HSD17B14: variants seen among roughly 807,000 people sequenced by gnomAD.
HSD17B14 encodes the protein L-fucose dehydrogenase.
Under a neutral mutation model 32.2 loss-of-function variants are expected in HSD17B14, and 32 were observed. The ratio of observed to expected loss-of-function variants is 0.99; its 90% CI spans 0.75 to 1.33. HSD17B14 has a LOEUF of 1.33. HSD17B14 is among the 40% of genes most tolerant of loss of function. HSD17B14 has a pLI of 0.00. For missense variants in HSD17B14, 370 were observed against 366.5 expected (o/e 1.01, Z -0.08); for synonymous variants, 140 against 155.4 (o/e 0.90, Z 0.74).
Position 48,836,357 on chromosome 19 carries a change from G to C in HSD17B14, c.55C>G (p.Arg19Gly). The part of the protein sequence containing the change: ...GKVVVVTGGG[R>G]GIGAGIVRAF... ...CGCACGATCCCAGCTCCGATGCCGC[G>C]CCCGCCCCCGGTCACGACCACCACC... Residue 19 changes from arginine (R) to glycine (G), a missense_variant, in exon 1 of 9, where the codon CGC (arginine) becomes GGC (glycine). Transcript: ENST00000263278. 6.2e-7 allele frequency: 1 copy of C among 1,612,602 alleles called. No homozygotes were observed. The highest frequency in any genetic ancestry group is 8.5e-7 in the Non-Finnish European group (1 of 1,179,752).
chr19:48,819,499 C>T (rs1015136291), intron 5 of HSD17B14, among the ~76,000 whole-genome samples: 3 of 152,208 alleles, frequency 2.0e-5, no homozygotes, highest in Non-Finnish European at 2.9e-5. Flanking sequence ...CCTGCCTGAT[C>T]TGGTTCCCAC....
At chr19:48,813,592 G>C (rs753402005) in intron 7 of HSD17B14, 40 bp from the exon 8 acceptor site, 3 of 1,612,474 alleles carry the variant, frequency 1.9e-6, no homozygotes, top group Non-Finnish European at 2.5e-6. Context: ...AATCTGTCTC[G>C]AACCACTTGG....
At chr19:48,826,542 T>TATATATATACACACACAC in intron 5 of HSD17B14, among the ~76,000 whole-genome samples, 1 of 80,110 alleles carries the variant, frequency 1.2e-5, no homozygotes, top group African/African-American at 5.2e-5. Context: ...TATATATATA[T>TATATATATACACACACAC]ACACACACAC....
Position 48,831,438 on chromosome 19 carries a change from A to C in HSD17B14, c.369+230T>G, listed in dbSNP as rs2035333428. 2.0e-5 allele frequency among the ~76,000 whole-genome samples: 3 copies of C among 152,100 alleles called. No individual in the cohort carries two copies. In the South Asian group the frequency reaches 6.2e-4, roughly 31 times the overall value. On this transcript the variant is annotated intron_variant, in intron 5 of 8. Coordinates refer to ENST00000263278, the MANE Select transcript of HSD17B14 (RefSeq NM_016246.3). ...TTTTGTGGCCCGCACCTGTAATCCC[A>C]GTTACTCAGGAGGCTGAGGCACGAG...
At chr19:48,817,981 C>G (rs566886735) in intron 5 of HSD17B14, among the ~76,000 whole-genome samples, 1 of 152,216 alleles carries the variant, frequency 6.6e-6, no homozygotes, top group South Asian at 2.1e-4. Flanking sequence ...GAGACCCAAA[C>G]CCATAAACAA....
Position 48,836,311 on chromosome 19 carries a change from A to T in HSD17B14, c.88+13T>A. ...TCACACTCCACAGCTCCCAGCAGTC[A>T]GACCCGGCTCACCGAAGGCGCGCAC... is the stretch of plus-strand genomic sequence containing the variant. On this transcript the variant is annotated intron_variant, in intron 1 of 8. Transcript: ENST00000263278. 6.2e-7 allele frequency: 1 copy of T among 1,610,142 alleles called. No individual in the cohort carries two copies. The highest frequency in any genetic ancestry group is 8.5e-7 in the Non-Finnish European group (1 of 1,178,858).
intron 2 of HSD17B14, 53 bp from the exon 3 acceptor site, chr19:48,834,411 G>A (rs1192793846): frequency 6.0e-6 from 7 of 1,175,330 alleles, no homozygotes; most frequent in South Asian, 1.3e-5. Context: ...AGGGAGGAGG[G>A]GTTGGGGACT....
intron 4 of HSD17B14, among the ~76,000 whole-genome samples, chr19:48,832,079 G>GGAA (rs756605267): frequency 1.7e-5 from 1 of 60,088 alleles, no homozygotes; most frequent in South Asian, 6.8e-4. Context: ...CCCCATCTCA[G>GGAA]AAAAAAAAAA....
chr19:48,834,329 G>T lies in HSD17B14; in HGVS notation c.157C>A (p.Leu53Ile), dbSNP rs1459596517. ...CAGAGGATAAAGACAGCTCCAGGGA[G>T]CTCCTGCTCCAGGGCCCGGCCCCCA... Reference protein sequence around the residue: ...ESGGRALEQELPGAVFILCDV... With the variant: ...ESGGRALEQEIPGAVFILCDV... Residue 53 changes from leucine to isoleucine, a missense_variant, in exon 3 of 9, where the codon CTC (leucine) becomes ATC (isoleucine). Coordinates refer to ENST00000263278, the MANE Select transcript of HSD17B14 (RefSeq NM_016246.3). 6.2e-7 allele frequency: 1 copy of T among 1,613,996 alleles called. No individual in the cohort carries two copies. The highest frequency in any genetic ancestry group is 8.5e-7 in the Non-Finnish European group (1 of 1,179,912).
At chr19:48,834,383 C>T (rs774779171) in intron 2 of HSD17B14, 25 bp from the exon 3 acceptor site, 15 of 1,525,586 alleles carry the variant, frequency 9.8e-6, no homozygotes, top group Admixed American at 3.5e-5. Context: ...GAGCTGGGAG[C>T]CTGGACCCCT....
At chr19:48,833,555 G>A (rs774681277) in intron 3 of HSD17B14, among the ~76,000 whole-genome samples, 3 of 151,302 alleles carry the variant, frequency 2.0e-5, no homozygotes, top group Non-Finnish European at 4.4e-5. Flanking sequence ...AGCCAGACAC[G>A]GTGGCTCATG....
At chr19:48,833,980 A>G (rs7247312) in intron 3 of HSD17B14, among the ~76,000 whole-genome samples, 25,302 of 152,078 alleles carry the variant, frequency 0.17, 2,556 homozygotes, top group Admixed American at 0.27. Context: ...ACACTTACAA[A>G]AAAAAGAGAC....
In HSD17B14 at chr19:48,826,528, A is replaced by AATATATATATATATATATATATATAT. The variant is rs1555776984; in HGVS notation, c.369+5139_369+5140insATATATATATATATATATATATATAT. ...AAAAAAAAGTAAAAGAAAAGAAGAAAATATATATATATATACACACACACA... is the reference window on the plus strand; with the variant it reads ...AAAAAAAAGTAAAAGAAAAGAAGAAAATATATATATATATATATATATATATATATATATATATATACACACACACA... On this transcript the variant is annotated intron_variant, in intron 5 of 8. Coordinates refer to ENST00000263278, the MANE Select transcript of HSD17B14 (RefSeq NM_016246.3). Among the ~76,000 whole-genome samples, 155 of 22,954 alleles carry AATATATATATATATATATATATATAT rather than the reference A, an allele frequency of 6.8e-3. 6 individuals are homozygous for AATATATATATATATATATATATATAT. Among genetic ancestry groups the AATATATATATATATATATATATATAT allele is most frequent in the East Asian group, 0.014 (5 of 370 alleles). The allele number at this position is 22,954 out of a possible 152,430, so 15.1% of individuals were successfully genotyped here.
chr19:48,831,674 C>G lies in HSD17B14; in HGVS notation c.363G>C (p.Leu121Phe). ...LELNLLGTYT[L>F]TKLALPYLRK... Reference sequence around the variant, plus strand: ...CAGGGTCGCCAGCCCTCACCTTGGTCAAGGTGTACGTCCCCAGTAGGTTCA... The same window carrying G: ...CAGGGTCGCCAGCCCTCACCTTGGTGAAGGTGTACGTCCCCAGTAGGTTCA... Residue 121 changes from leucine (L) to phenylalanine (F), a missense_variant, in exon 5 of 9, where the codon TTG becomes TTC. Leu to Phe is a conservative substitution (Grantham distance 22). Transcript: ENST00000263278. 6.2e-7 allele frequency: 1 copy of G among 1,613,692 alleles called. No individual in the cohort carries two copies. Among genetic ancestry groups the G allele is most frequent in the Non-Finnish European group, 8.5e-7 (1 of 1,179,710 alleles).
rs186507966 is a variant in HSD17B14, at chr19:48,833,574, C to T, written c.210+702G>A. 6.1e-3 allele frequency among the ~76,000 whole-genome samples: 924 copies of T among 152,046 alleles called. 4 individuals are homozygous for T. Among genetic ancestry groups the T allele is most frequent in the Middle Eastern group, 0.021 (6 of 292 alleles). ...AGACACGGTGGCTCATGCTTGTAAT[C>T]CCAGCACTTTGGGAGGCTGAGGCGG... On this transcript the variant is annotated intron_variant, in intron 3 of 8. Transcript: ENST00000263278.
At position 48,834,493 on chromosome 19, in the gene HSD17B14, T is replaced by G. The variant is rs1271291176; in HGVS notation, c.128-135A>C. On this transcript the variant is annotated intron_variant, in intron 2 of 8. Transcript: ENST00000263278. ...GGGTCTGAGGGAGGAGGGGCTGAGG[T>G]CTGGACTCCTGGGTCTGAGGAAGTA... is the stretch of plus-strand genomic sequence containing the variant. The G allele has an allele frequency of 7.7e-4, 259 of 337,152 alleles. 1 individual carries two copies. The African/African-American group carries it at 0.011, about 14-fold the overall frequency. 20.9% of individuals were successfully genotyped at this position (337,152 alleles called of 1,614,324 possible).
intron 5 of HSD17B14, among the ~76,000 whole-genome samples, chr19:48,825,100 T>G (rs897830402): frequency 6.6e-6 from 1 of 151,910 alleles, no homozygotes; most frequent in African/African-American, 2.4e-5. Flanking sequence ...TAGCCAGGTG[T>G]GGTGGCGTGT....
rs2035001241 is a variant in HSD17B14 at position 48,813,648 on chromosome 19, CT to C, written c.542+14del. ...GTCCCCCCAGGAGGCTCTCCGCCTG[CT>C]CAGAGCAGCTCACCAGTTGACTCGG... is the stretch of plus-strand genomic sequence containing the variant. On this transcript the variant is annotated intron_variant, in intron 7 of 8. Coordinates refer to ENST00000263278, the MANE Select transcript of HSD17B14 (RefSeq NM_016246.3). 6.2e-7 allele frequency: 1 copy of C among 1,614,040 alleles called. No individual in the cohort carries two copies. The highest frequency in any genetic ancestry group is 8.5e-7 in the Non-Finnish European group (1 of 1,180,000).
chr19:48,834,706 G>T (rs868493126), intron 2 of HSD17B14, among the ~76,000 whole-genome samples: 8 of 93,206 alleles, frequency 8.6e-5, no homozygotes, highest in African/African-American at 1.3e-4. Flanking sequence ...AGGGAGGAAG[G>T]GCTGGGAGCC....
Sources: gnomAD v4.1 joint callset for allele counts (sites outside exome capture counted in the v4.1 genomes callset) on GRCh38, gnomAD v4.1.1 for gene constraint, MANE v1.5 for transcripts, NCBI Gene and HGNC (gene_info 2026-07-23, HGNC 2026-07-21) for gene names.